Variants in WSCD1 observed in about 807,000 individuals in gnomAD.
WSCD1 encodes the protein WSC domain sialate O sulfotransferase 1.
Under a neutral mutation model 60.4 loss-of-function variants are expected in WSCD1, and 41 were observed. That is an observed-to-expected ratio of 0.68 (90% CI 0.53 to 0.88). The LOEUF (loss-of-function observed/expected upper bound fraction) is 0.88, where lower values mean the gene tolerates loss of function less well. Among genes scored for constraint, WSCD1 ranks in the 40% least tolerant of loss-of-function variants. WSCD1 has a pLI of 0.00. For synonymous variants in WSCD1, 361 were observed against 332.5 expected (o/e 1.09, Z -0.93); for missense variants, 784 against 796.2 (o/e 0.98, Z 0.18).
intron 2 of WSCD1, among the ~76,000 whole-genome samples, chr17:6,085,163 G>T (rs1318343296): frequency 6.6e-6 from 1 of 152,116 alleles, no homozygotes; most frequent in Non-Finnish European, 1.5e-5. Flanking sequence ...GAATAATAAT[G>T]GCTGTTATTT....
At chr17:6,079,995 T>A (rs955829540) in intron 1 of WSCD1, among the ~76,000 whole-genome samples, 20 of 152,160 alleles carry the variant, frequency 1.3e-4, no homozygotes, top group Non-Finnish European at 5.9e-5. Flanking sequence ...GTTTCAGGGT[T>A]AAGTGAGATA....
intron 5 of WSCD1, among the ~76,000 whole-genome samples, chr17:6,095,831 TG>T (rs1338529583): frequency 6.6e-6 from 1 of 152,166 alleles, no homozygotes; most frequent in Non-Finnish European, 1.5e-5. Flanking sequence ...CAGCAGACTG[TG>T]TCCAAAGAAC....
At chr17:6,073,129 C>A (rs1207556530) in intron 1 of WSCD1, among the ~76,000 whole-genome samples, 2 of 152,156 alleles carry the variant, frequency 1.3e-5, no homozygotes, top group Admixed American at 6.5e-5. Flanking sequence ...TCTCCCATAG[C>A]CCGAGTGCCC....
At chr17:6,099,374 G>C (rs1446273651) in intron 5 of WSCD1, among the ~76,000 whole-genome samples, 3 of 152,000 alleles carry the variant, frequency 2.0e-5, no homozygotes, top group Admixed American at 2.0e-4. Context: ...AATTAGCCAG[G>C]TGTGGTGGCG....
At chr17:6,117,069 G>A (rs1904335098) in intron 7 of WSCD1, among the ~76,000 whole-genome samples, 1 of 152,210 alleles carries the variant, frequency 6.6e-6, no homozygotes, top group Admixed American at 6.5e-5. Context: ...CAAGGTCTGA[G>A]TCTTAACCCT....
chr17:6,097,770 G>A (rs1188888623), intron 5 of WSCD1, among the ~76,000 whole-genome samples: 1 of 152,138 alleles, frequency 6.6e-6, no homozygotes, highest in Admixed American at 6.5e-5. Context: ...TTGTCAGGTT[G>A]TCCTTGGCGA....
rs1454361760 is a variant in WSCD1, at chr17:6,122,201, A to G, written c.*1540A>G. ...TTCCTAGCCTGATGATGGGGAACCCAGAGCCACCCGCTATGAGCACAGGCC... is the reference window on the plus strand; with the variant it reads ...TTCCTAGCCTGATGATGGGGAACCCGGAGCCACCCGCTATGAGCACAGGCC... On this transcript the variant is annotated 3_prime_UTR_variant, in exon 9 of 9. Transcript: ENST00000317744. The G allele has an allele frequency of 1.3e-5, 2 of 152,302 alleles. No homozygotes were observed. Among genetic ancestry groups the G allele is most frequent in the Non-Finnish European group, 2.9e-5 (2 of 68,106 alleles). 9.4% of individuals were successfully genotyped at this position (152,302 alleles called of 1,614,324 possible).
Position 6,120,589 on chromosome 17 carries a change from C to T in WSCD1, c.1656C>T (p.Tyr552=). ...AGATGAAAGACTTGATCAATGGCTA[C>T]ATCCGGACGGTGGACCAAGCCCTGC... The part of the protein sequence containing the change: ...TPEMKDLING[Y]IRTVDQALRD... The change falls in exon 9 of 9, where the codon TAC becomes TAT. Residue 552 remains tyrosine, a synonymous_variant. Coordinates refer to ENST00000317744, the MANE Select transcript of WSCD1 (RefSeq NM_015253.2). The T allele has an allele frequency of 3.7e-6, 6 of 1,613,642 alleles. No individual in the cohort carries two copies. The highest frequency in any genetic ancestry group is 4.2e-6 in the Non-Finnish European group (5 of 1,179,998).
chr17:6,123,121 T>C lies in WSCD1; in HGVS notation c.*2460T>C, dbSNP rs1438102372. ...TCATCTACAGCTCTTAGCTTCTCAG[T>C]AAAGAGGATACTCTCCCAACCAGCC... On this transcript the variant is annotated 3_prime_UTR_variant, in exon 9 of 9. Transcript: ENST00000317744. The C allele has an allele frequency of 6.6e-6, 1 of 152,178 alleles. No homozygotes were observed. Among genetic ancestry groups the C allele is most frequent in the Admixed American group, 6.5e-5 (1 of 15,278 alleles). 9.4% of individuals were successfully genotyped at this position (152,178 alleles called of 1,614,324 possible). A position where few individuals can be genotyped will look rare whatever the true frequency, so the allele number is the denominator to read the frequency against.
intron 3 of WSCD1, among the ~76,000 whole-genome samples, chr17:6,089,221 C>T (rs908834174): frequency 3.9e-5 from 6 of 152,272 alleles, no homozygotes; most frequent in African/African-American, 7.2e-5. Context: ...GGTCTAGATA[C>T]GGTGGAAACA....
At chr17:6,111,231 A>C (rs1298408715) in intron 7 of WSCD1, among the ~76,000 whole-genome samples, 1 of 151,892 alleles carries the variant, frequency 6.6e-6, no homozygotes, top group African/African-American at 2.4e-5. Context: ...AAGAAATTAC[A>C]CTGAGACTAC....
intron 2 of WSCD1, among the ~76,000 whole-genome samples, chr17:6,083,778 C>G (rs1185475366): frequency 3.3e-5 from 5 of 151,782 alleles, no homozygotes; most frequent in Admixed American, 2.0e-4. Flanking sequence ...GACCCTGTCT[C>G]AAAAAATATA....
chr17:6,086,998 C>T (rs947210011), intron 2 of WSCD1, among the ~76,000 whole-genome samples: 8 of 152,204 alleles, frequency 5.3e-5, no homozygotes, highest in Non-Finnish European at 8.8e-5. Context: ...ATGAGCGGAA[C>T]GCGGCCCTTC....
chr17:6,108,975 G>A (rs1266626594), intron 5 of WSCD1, among the ~76,000 whole-genome samples: 1 of 152,248 alleles, frequency 6.6e-6, no homozygotes, highest in Non-Finnish European at 1.5e-5. Flanking sequence ...TCTTTGGAAA[G>A]ATGACTGTAT....
rs1249986530 is a variant in WSCD1 at position 6,080,804 on chromosome 17, C to G, written c.146C>G (p.Pro49Arg). 1.2e-6 allele frequency: 2 copies of G among 1,609,528 alleles called. No individual in the cohort carries two copies. ...GCTCTCCCACAGGGCCCCCGGGCAC[C>G]CGGCCCCCTGCAGACCTTGCCAGTG... is the stretch of plus-strand genomic sequence containing the variant. ...RVALPQGPRA[P>R]GPLQTLPVAA... The change falls in exon 2 of 9, where the codon CCC becomes CGC. Residue 49 changes from proline (P) to arginine (R), a missense_variant. Pro to Arg is a moderately radical substitution (Grantham distance 103). Coordinates refer to ENST00000317744, the MANE Select transcript of WSCD1 (RefSeq NM_015253.2). The surrounding 1 kb of genome is among the most constrained non-coding windows in gnomAD (Gnocchi z 6.6).
At position 6,090,436 on chromosome 17, in the gene WSCD1, T is replaced by C; in HGVS notation, c.658T>C (p.Ser220Pro). 1 of 1,613,146 alleles carries C rather than the reference T, an allele frequency of 6.2e-7. No individual in the cohort carries two copies. Among genetic ancestry groups the C allele is most frequent in the Non-Finnish European group, 8.5e-7 (1 of 1,179,632 alleles). The change falls in exon 4 of 9, where the codon TCT becomes CCT. Residue 220 changes from serine (S) to proline (P), a missense_variant. Physicochemically the swap from Ser to Pro is moderately conservative, Grantham distance 74 (BLOSUM62 -1). Transcript: ENST00000317744. ...CNHECKGEKG[S>P]VCGAVDRLSV... ...CCATGAGTGCAAAGGCGAGAAGGGCTCTGTGTGCGGGGCTGTGGACCGGCT... is the reference window on the plus strand; with the variant it reads ...CCATGAGTGCAAAGGCGAGAAGGGCCCTGTGTGCGGGGCTGTGGACCGGCT...
chr17:6,117,521 C>T (rs192020874), intron 7 of WSCD1, among the ~76,000 whole-genome samples: 15 of 152,348 alleles, frequency 9.8e-5, no homozygotes, highest in East Asian at 3.9e-4. Flanking sequence ...AGAGCCCTGG[C>T]GCTGTTTTCA....
chr17:6,100,658 T>G (rs1030482937), intron 5 of WSCD1, among the ~76,000 whole-genome samples: 1 of 152,230 alleles, frequency 6.6e-6, no homozygotes, highest in Non-Finnish European at 1.5e-5. Flanking sequence ...ATATTACTCA[T>G]GTTGGGATCT....
chr17:6,072,231 T>A (rs1220094950), intron 1 of WSCD1, among the ~76,000 whole-genome samples: 1 of 152,246 alleles, frequency 6.6e-6, no homozygotes, highest in Non-Finnish European at 1.5e-5. Context: ...GACTCCTGTC[T>A]CTTCCTCCTG....
Sources: allele counts gnomAD v4.1 joint callset (sites outside exome capture counted in the v4.1 genomes callset), GRCh38; gene constraint gnomAD v4.1.1; non-coding constraint Gnocchi (gnomAD v3.1); transcripts MANE v1.5; gene names NCBI Gene and HGNC (gene_info 2026-07-23, HGNC 2026-07-21).